KCNT2: variants seen among roughly 807,000 people sequenced by gnomAD.
The protein encoded by KCNT2 is potassium channel subfamily T member 2.
KCNT2 carries 67 observed loss-of-function variants against 153.8 expected under a neutral mutation model. The ratio of observed to expected loss-of-function variants is 0.44; its 90% CI spans 0.36 to 0.53. The LOEUF is 0.53. Among genes scored for constraint, KCNT2 ranks in the 20% least tolerant of loss-of-function variants. KCNT2 has a pLI of 0.00. For missense variants in KCNT2, 975 were observed against 1,354.8 expected (o/e 0.72, Z 4.40); for synonymous variants, 500 against 458.8 (o/e 1.09, Z -1.15).
chr1:196,306,180 T>C (rs980090581), intron 21 of KCNT2, among the ~76,000 whole-genome samples: 1 of 152,114 alleles, frequency 6.6e-6, no homozygotes, highest in African/African-American at 2.4e-5. Flanking sequence ...GCCACTTCTG[T>C]GATAATCACC....
At chr1:196,463,385 GAGA>G (rs1677324321) in intron 8 of KCNT2, among the ~76,000 whole-genome samples, 1 of 151,736 alleles carries the variant, frequency 6.6e-6, no homozygotes, top group African/African-American at 2.4e-5. Flanking sequence ...TTGTAATGCA[GAGA>G]AGAATACACA....
intron 1 of KCNT2, among the ~76,000 whole-genome samples, chr1:196,507,215 AG>A (rs1243850571): frequency 6.6e-6 from 1 of 152,188 alleles, no homozygotes; most frequent in Non-Finnish European, 1.5e-5. Context: ...AAGCTATCTA[AG>A]AAATTGATAA....
chr1:196,454,380 T>C (rs1676478422), intron 8 of KCNT2, among the ~76,000 whole-genome samples: 1 of 151,922 alleles, frequency 6.6e-6, no homozygotes, highest in African/African-American at 2.4e-5. Context: ...CCTTCCCCTC[T>C]TTCTCCTCTA....
chr1:196,541,637 C>A (rs1441575983), intron 1 of KCNT2, among the ~76,000 whole-genome samples: 1 of 152,084 alleles, frequency 6.6e-6, no homozygotes, highest in African/African-American at 2.4e-5. Flanking sequence ...CTGGCATTTA[C>A]ACAGAAAAAC....
chr1:196,385,618 G>T (rs538837139), intron 13 of KCNT2, among the ~76,000 whole-genome samples: 1 of 151,760 alleles, frequency 6.6e-6, no homozygotes. Flanking sequence ...ATACAAGAAT[G>T]TACAACTCTG....
At chr1:196,517,691 T>A (rs1652774205) in intron 1 of KCNT2, among the ~76,000 whole-genome samples, 1 of 152,014 alleles carries the variant, frequency 6.6e-6, no homozygotes, top group Non-Finnish European at 1.5e-5. Context: ...AGAGTGTCTC[T>A]CTGAAATAAG....
At chr1:196,448,052 T>A (rs1332620873) in intron 8 of KCNT2, among the ~76,000 whole-genome samples, 1 of 151,666 alleles carries the variant, frequency 6.6e-6, no homozygotes, top group Non-Finnish European at 1.5e-5. Flanking sequence ...GAAAACACCA[T>A]AATTTTCACC....
intron 23 of KCNT2, among the ~76,000 whole-genome samples, chr1:196,284,248 A>AAAAAAAAAAAAATATAT: frequency 5.0e-4 from 5 of 10,048 alleles, no homozygotes; most frequent in Admixed American, 2.9e-3. Flanking sequence ...AAAAAAAAAA[A>AAAAAAAAAAAAATATAT]ATATATATAT....
At chr1:196,557,066 CTT>C (rs559979737) in intron 1 of KCNT2, among the ~76,000 whole-genome samples, 4 of 150,884 alleles carry the variant, frequency 2.7e-5, no homozygotes, top group Non-Finnish European at 3.0e-5. Flanking sequence ...ATGAATAAGA[CTT>C]AGTATTTGAC....
intron 8 of KCNT2, among the ~76,000 whole-genome samples, chr1:196,464,397 C>T (rs1236811536): frequency 2.6e-5 from 4 of 151,844 alleles, no homozygotes; most frequent in East Asian, 1.9e-4. Context: ...AAAACCATTT[C>T]GTAGAGTTAC....
chr1:196,231,512 A>G (rs917431444), intron 27 of KCNT2, among the ~76,000 whole-genome samples: 3 of 151,294 alleles, frequency 2.0e-5, no homozygotes, highest in Non-Finnish European at 4.4e-5. Flanking sequence ...ATAATGGAAG[A>G]AAAAAAAAGA....
chr1:196,249,347 G>T (rs1227824161), intron 26 of KCNT2, among the ~76,000 whole-genome samples: 1 of 152,150 alleles, frequency 6.6e-6, no homozygotes, highest in Non-Finnish European at 1.5e-5. Flanking sequence ...ATTCAAATTG[G>T]AAAAGAAAGA....
At chr1:196,485,452 TACAATCA>T (rs1364639678) in intron 3 of KCNT2, among the ~76,000 whole-genome samples, 1 of 152,098 alleles carries the variant, frequency 6.6e-6, no homozygotes, top group Non-Finnish European at 1.5e-5. Context: ...AAATTTGTAA[TACAATCA>T]ACTTCGTATT....
At chr1:196,529,184 T>C (rs1316721730) in intron 1 of KCNT2, among the ~76,000 whole-genome samples, 1 of 152,132 alleles carries the variant, frequency 6.6e-6, no homozygotes, top group Non-Finnish European at 1.5e-5. Context: ...TTAAGAGAGT[T>C]TTCCGAAATG....
At chr1:196,458,866 G>T (rs1289149227) in intron 8 of KCNT2, among the ~76,000 whole-genome samples, 1 of 151,798 alleles carries the variant, frequency 6.6e-6, no homozygotes, top group Non-Finnish European at 1.5e-5. Flanking sequence ...CACAGTTACT[G>T]GAAAAACTTA....
intron 26 of KCNT2, among the ~76,000 whole-genome samples, chr1:196,239,128 G>A (rs1396041574): frequency 6.6e-6 from 1 of 151,700 alleles, no homozygotes; most frequent in Non-Finnish European, 1.5e-5. Context: ...ATTTTATTTG[G>A]TAAATTAGCT....
chr1:196,566,359 T>A (rs975536068), intron 1 of KCNT2, among the ~76,000 whole-genome samples: 2 of 152,054 alleles, frequency 1.3e-5, no homozygotes, highest in Non-Finnish European at 2.9e-5. Flanking sequence ...GGTTTTTGAA[T>A]GTTAAGTTGC....
chr1:196,337,749 T>C (rs1201551958), intron 16 of KCNT2, among the ~76,000 whole-genome samples: 1 of 152,140 alleles, frequency 6.6e-6, no homozygotes, highest in African/African-American at 2.4e-5. Context: ...AAGCACTTCA[T>C]TTAAAATCTG....
chr1:196,467,646 G>T, intron 7 of KCNT2, 57 bp downstream of exon 7: 1 of 1,165,150 alleles, frequency 8.6e-7, no homozygotes. Context: ...TCTAAACATT[G>T]AAAATAAGAA....
Sources: gnomAD v4.1 joint callset for allele counts (sites outside exome capture counted in the v4.1 genomes callset) on GRCh38, gnomAD v4.1.1 for gene constraint, MANE v1.5 for transcripts, NCBI Gene and HGNC (gene_info 2026-07-23, HGNC 2026-07-21) for gene names.